Variants in STAG1 observed in about 807,000 individuals in gnomAD.
STAG1 encodes the protein STAG1 cohesin complex component, also known as cohesin subunit SA-1.
Under a neutral mutation model 170.9 loss-of-function variants are expected in STAG1, and 26 were observed. The ratio of observed to expected loss-of-function variants is 0.15; its 90% CI spans 0.11 to 0.21. STAG1 has a LOEUF of 0.21. Ranked by LOEUF, STAG1 falls within the 10% of genes least tolerant of loss-of-function variation. The probability of loss-of-function intolerance (pLI) is 1.00; values close to 1 mark genes in which losing one functional copy is unlikely to be tolerated. For synonymous variants in STAG1, 514 were observed against 497.7 expected, an observed-to-expected ratio of 1.03 and a Z score of -0.44; for missense variants, 964 against 1,509.5, an observed-to-expected ratio of 0.64 and a Z score of 5.99.
At chr3:136,608,220 T>C (rs567244737) in intron 3 of STAG1, among the ~76,000 whole-genome samples, 14 of 151,490 alleles carry the variant, frequency 9.2e-5, no homozygotes, top group Middle Eastern at 6.8e-3. Context: ...AATTGCACCA[T>C]TGTACTCCAG....
chr3:136,462,090 G>T (rs1442875129), intron 13 of STAG1, among the ~76,000 whole-genome samples: 1 of 152,062 alleles, frequency 6.6e-6, no homozygotes, highest in Non-Finnish European at 1.5e-5. Flanking sequence ...CTAGTACACT[G>T]TTGGTGGGAA....
intron 22 of STAG1, among the ~76,000 whole-genome samples, chr3:136,382,219 A>G (rs778307390): frequency 1.3e-4 from 20 of 152,154 alleles, no homozygotes; most frequent in Non-Finnish European, 2.4e-4. Flanking sequence ...TAGGAGTTGG[A>G]GGCAAAGGAT....
In STAG1 at chr3:136,421,174, A is replaced by C; in HGVS notation, c.2038-11T>G. 1 of 1,587,266 alleles carries C rather than the reference A, an allele frequency of 6.3e-7. No homozygotes were observed. Among genetic ancestry groups the C allele is most frequent in the Admixed American group, 1.7e-5 (1 of 57,602 alleles). On this transcript the variant is annotated splice_polypyrimidine_tract_variant and intron_variant, in intron 19 of 33. Transcript: ENST00000383202. Reference sequence around the variant, plus strand: ...ATCAGCTTCTTCTCCCTATAAAAAAAGGAAACATCACATCATTACAACTTT... The same window carrying C: ...ATCAGCTTCTTCTCCCTATAAAAAACGGAAACATCACATCATTACAACTTT...
chr3:136,660,373 A>C (rs995454881), intron 1 of STAG1, among the ~76,000 whole-genome samples: 1 of 152,218 alleles, frequency 6.6e-6, no homozygotes, highest in South Asian at 2.1e-4. Flanking sequence ...AAAGATAATA[A>C]AATTTAGCAA....
chr3:136,435,727 TGA>T (rs2107750299), intron 15 of STAG1, among the ~76,000 whole-genome samples: 2 of 152,134 alleles, frequency 1.3e-5, no homozygotes, highest in South Asian at 2.1e-4. Flanking sequence ...TGGAGTGCAG[TGA>T]GGCTATCTTG....
intron 1 of STAG1, among the ~76,000 whole-genome samples, chr3:136,649,750 C>T (rs1249093330): frequency 6.7e-6 from 1 of 150,150 alleles, no homozygotes; most frequent in Non-Finnish European, 1.5e-5. Flanking sequence ...ACCTCGTTTC[C>T]GTAGCAAAAA....
At chr3:136,343,643 C>G (rs929084660) in intron 30 of STAG1, among the ~76,000 whole-genome samples, 189 bp downstream of exon 30, 5 of 152,190 alleles carry the variant, frequency 3.3e-5, no homozygotes, top group African/African-American at 4.8e-5. Flanking sequence ...TGTAAACTTC[C>G]AGGAACTGGT....
At chr3:136,624,403 T>C (rs1940002592) in intron 2 of STAG1, among the ~76,000 whole-genome samples, 1 of 152,138 alleles carries the variant, frequency 6.6e-6, no homozygotes, top group Admixed American at 6.5e-5. Context: ...CCCAGCCAAT[T>C]ATTGGAATCT....
intron 1 of STAG1, among the ~76,000 whole-genome samples, chr3:136,655,728 C>T (rs1576721842): frequency 6.6e-6 from 1 of 151,754 alleles, no homozygotes; most frequent in South Asian, 2.1e-4. Context: ...ACACCATCTG[C>T]ACTCCAGCCT....
At chr3:136,520,852 C>A (rs563689839) in intron 7 of STAG1, among the ~76,000 whole-genome samples, 2 of 152,054 alleles carry the variant, frequency 1.3e-5, no homozygotes, top group South Asian at 4.1e-4. Context: ...AGCAATAAAA[C>A]AATGTAATTA....
At chr3:136,640,587 T>TC (rs1940754824) in intron 1 of STAG1, among the ~76,000 whole-genome samples, 2 of 151,688 alleles carry the variant, frequency 1.3e-5, no homozygotes, top group South Asian at 4.2e-4. Context: ...CAGGCTGGTC[T>TC]CCAACTCCTG....
At chr3:136,480,923 T>G (rs1049288776) in intron 9 of STAG1, among the ~76,000 whole-genome samples, 1 of 145,186 alleles carries the variant, frequency 6.9e-6, no homozygotes, top group African/African-American at 2.5e-5. Flanking sequence ...TTTTGTACAT[T>G]GATTTTGTAT....
At chr3:136,541,537 T>TTCACACACACACACACACACACAC (rs1935898481) in intron 6 of STAG1, among the ~76,000 whole-genome samples, 1 of 50,826 alleles carries the variant, frequency 2.0e-5, no homozygotes, top group Non-Finnish European at 4.7e-5. Context: ...AAGCTTAACA[T>TTCACACACACACACACACACACAC]TCACACACAC....
In STAG1 at chr3:136,476,945, TA is replaced by T. The variant is rs879491442; in HGVS notation, c.1026+343del. On this transcript the variant is annotated intron_variant, in intron 10 of 33. Coordinates refer to ENST00000383202, the MANE Select transcript of STAG1 (RefSeq NM_005862.3). Reference sequence around the variant, plus strand: ...TGATATGGTCCTAGAAAATTTTTTTTAAAAAAAAGCTTAGTTTTTATATATT... The same window carrying T: ...TGATATGGTCCTAGAAAATTTTTTTTAAAAAAAGCTTAGTTTTTATATATT... Among the ~76,000 whole-genome samples the T allele has an allele frequency of 1.6e-4, 24 of 152,132 alleles. No individual in the cohort carries two copies. In the East Asian group the frequency reaches 4.0e-3, roughly 26 times the overall value.
chr3:136,392,984 T>C (rs2087053158), intron 22 of STAG1, among the ~76,000 whole-genome samples: 2 of 152,138 alleles, frequency 1.3e-5, no homozygotes, highest in Admixed American at 6.6e-5. Flanking sequence ...TAAAAATATG[T>C]GACCTCTTGA....
intron 5 of STAG1, among the ~76,000 whole-genome samples, chr3:136,551,212 A>AGG (rs1239842914): frequency 1.5e-4 from 6 of 40,912 alleles, no homozygotes; most frequent in Admixed American, 2.7e-4. Context: ...AGAGAGTGAG[A>AGG]GAGAGAGAGA....
At chr3:136,662,633 T>C (rs1188474321) in intron 1 of STAG1, among the ~76,000 whole-genome samples, 1 of 152,034 alleles carries the variant, frequency 6.6e-6, no homozygotes, top group African/African-American at 2.4e-5. Flanking sequence ...TTTGTAGAGA[T>C]GGGGTCTTAC....
intron 5 of STAG1, among the ~76,000 whole-genome samples, chr3:136,553,217 T>C (rs1936476334): frequency 6.6e-6 from 1 of 150,788 alleles, no homozygotes; most frequent in Non-Finnish European, 1.5e-5. Flanking sequence ...ATAAAAAGAG[T>C]AAAAGAACTC....
chr3:136,498,233 T>TATATATATATACACAC, intron 9 of STAG1, among the ~76,000 whole-genome samples: 2 of 57,484 alleles, frequency 3.5e-5, no homozygotes, highest in Non-Finnish European at 5.6e-5. Flanking sequence ...TATATATATA[T>TATATATATATACACAC]ACACATACAT....
Sources: gnomAD v4.1 joint callset for allele counts (sites outside exome capture counted in the v4.1 genomes callset) on GRCh38, gnomAD v4.1.1 for gene constraint, MANE v1.5 for transcripts, NCBI Gene and HGNC (gene_info 2026-07-23, HGNC 2026-07-21) for gene names.